Variants in GATAD2A observed in about 807,000 individuals in gnomAD.
GATAD2A encodes the protein GATA zinc finger domain containing 2A.
A neutral mutation model predicts 68.5 loss-of-function variants in GATAD2A; 12 were observed. The observed-to-expected ratio is 0.18, with a 90% CI of 0.11 to 0.28. GATAD2A has a LOEUF of 0.28. GATAD2A is among the 10% of genes least tolerant of loss of function. The pLI is 1.00. For synonymous variants in GATAD2A, 410 were observed against 375.3 expected, an observed-to-expected ratio of 1.09 and a Z score of -1.07; for missense variants, 755 against 868.5, an observed-to-expected ratio of 0.87 and a Z score of 1.64.
At chr19:19,416,389 C>T (rs1355842158) in intron 1 of GATAD2A, among the ~76,000 whole-genome samples, 1 of 152,098 alleles carries the variant, frequency 6.6e-6, no homozygotes, top group Non-Finnish European at 1.5e-5. Context: ...TCCGGAAGGC[C>T]CCAGGATCTT....
chr19:19,452,099 G>A (rs142421352), intron 1 of GATAD2A, among the ~76,000 whole-genome samples: 1 of 152,360 alleles, frequency 6.6e-6, no homozygotes, highest in East Asian at 1.9e-4. Flanking sequence ...ATACGTGTGT[G>A]TTGTTCAGGA....
At chr19:19,448,677 A>G (rs1032359223) in intron 1 of GATAD2A, among the ~76,000 whole-genome samples, 1 of 152,078 alleles carries the variant, frequency 6.6e-6, no homozygotes, top group African/African-American at 2.4e-5. Context: ...TTTTGTAGAG[A>G]TGGGGTTTCA....
intron 1 of GATAD2A, among the ~76,000 whole-genome samples, chr19:19,456,865 T>C (rs1352401110): frequency 6.6e-6 from 1 of 152,204 alleles, no homozygotes; most frequent in Non-Finnish European, 1.5e-5. Flanking sequence ...TGGGTACTTT[T>C]GTGCCTTGGT....
chr19:19,417,121 A>G (rs1568715764), intron 1 of GATAD2A, among the ~76,000 whole-genome samples: 1 of 152,232 alleles, frequency 6.6e-6, no homozygotes, highest in Non-Finnish European at 1.5e-5. Flanking sequence ...GCTTCGGCAG[A>G]TACCCTGTGG....
In GATAD2A at chr19:19,507,363, T is replaced by G. The variant is rs1346063014; in HGVS notation, c.*1889T>G. 2 of 152,190 alleles carry G rather than the reference T, an allele frequency of 1.3e-5. No homozygotes were observed. The highest frequency in any genetic ancestry group is 4.8e-5 in the African/African-American group (2 of 41,430). The allele number at this position is 152,190 out of a possible 1,614,324, so 9.4% of individuals were successfully genotyped here. On this transcript the variant is annotated 3_prime_UTR_variant, in exon 12 of 12. Transcript: ENST00000683918. ...ACGACCCTGAGCTGTTAGCCCTCTC[T>G]GTTCCATGACAGGGGCCAGATCTTC...
At chr19:19,494,555 C>A (rs1432169980) in intron 5 of GATAD2A, among the ~76,000 whole-genome samples, 172 bp downstream of exon 5, 1 of 152,230 alleles carries the variant, frequency 6.6e-6, no homozygotes, top group East Asian at 1.9e-4. Context: ...AAGAAGCACA[C>A]GTGCACTTTC....
intron 1 of GATAD2A, among the ~76,000 whole-genome samples, chr19:19,435,718 T>C (rs1157977305): frequency 6.6e-6 from 1 of 152,088 alleles, no homozygotes; most frequent in African/African-American, 2.4e-5. Context: ...GGCATAGTGG[T>C]GGGTGCCTGT....
chr19:19,408,416 G>A (rs774008914), intron 1 of GATAD2A, among the ~76,000 whole-genome samples: 7 of 151,924 alleles, frequency 4.6e-5, no homozygotes, highest in African/African-American at 9.7e-5. Flanking sequence ...TGCTACTTTC[G>A]GTAGGAAAAA....
rs202108692 is a variant in GATAD2A at position 19,502,357 on chromosome 19, G to A, written c.1605G>A (p.Ser535=). The A allele has an allele frequency of 2.7e-5, 44 of 1,612,540 alleles. No individual in the cohort carries two copies. The highest frequency in any genetic ancestry group is 5.3e-5 in the African/African-American group (4 of 74,886). Residue 535 remains serine (S), a synonymous_variant, in exon 11 of 12, where the codon TCG becomes TCA. Coordinates refer to ENST00000683918, the MANE Select transcript of GATAD2A (RefSeq NM_001384528.1). ...CCTCCAGCCAGCTGTCCCGGGGTTC[G>A]GCCACGACGCCCCGAGGTGTCCTGC... ...LQASSQLSRG[S]ATTPRGVLHT... is the part of the protein sequence containing the mutation.
In GATAD2A at chr19:19,495,648, A is replaced by AAC. The variant is rs374922446; in HGVS notation, c.625-105_625-104insCA. On this transcript the variant is annotated intron_variant, in intron 5 of 11. Transcript: ENST00000683918. ...TCTCTGCTACTTAAAAAAAAAAAAA[A>AAC]AAAAAAACTAGTATGTACTTTCATA... 42 of 1,047,598 alleles carry AAC rather than the reference A, an allele frequency of 4.0e-5. 1 individual carries two copies. The highest frequency in any genetic ancestry group is 3.5e-4 in the African/African-American group (21 of 60,726). The allele number at this position is 1,047,598 out of a possible 1,614,324, so 64.9% of individuals were successfully genotyped here.
intron 1 of GATAD2A, among the ~76,000 whole-genome samples, chr19:19,444,800 G>A (rs2055513385): frequency 6.6e-6 from 1 of 150,666 alleles, no homozygotes; most frequent in African/African-American, 2.5e-5. Context: ...GAGCCCTGGA[G>A]GTTGAGGCTG....
At chr19:19,407,966 C>T (rs2050468056) in intron 1 of GATAD2A, among the ~76,000 whole-genome samples, 1 of 152,178 alleles carries the variant, frequency 6.6e-6, no homozygotes, top group African/African-American at 2.4e-5. Context: ...CTTGGAAGGG[C>T]TATAGAGAAT....
chr19:19,486,289 G>A (rs1157814540), intron 2 of GATAD2A, among the ~76,000 whole-genome samples: 2 of 152,218 alleles, frequency 1.3e-5, no homozygotes, highest in Admixed American at 1.3e-4. Flanking sequence ...GCGAAGGCAC[G>A]GGCGGCCTGT....
chr19:19,480,274 G>A (rs949914773), intron 2 of GATAD2A, among the ~76,000 whole-genome samples: 1 of 152,182 alleles, frequency 6.6e-6, no homozygotes, highest in Non-Finnish European at 1.5e-5. Flanking sequence ...GAAAATAGTA[G>A]TTTACTGGGT....
At chr19:19,435,775 A>G (rs2054272214) in intron 1 of GATAD2A, among the ~76,000 whole-genome samples, 1 of 152,118 alleles carries the variant, frequency 6.6e-6, no homozygotes, top group African/African-American at 2.4e-5. Flanking sequence ...GTGTGAACCC[A>G]GGGGTCAGAG....
At chr19:19,414,836 CCTTTTTTTTTTT>C (rs1055931892) in intron 1 of GATAD2A, among the ~76,000 whole-genome samples, 7 of 127,400 alleles carry the variant, frequency 5.5e-5, no homozygotes, top group Non-Finnish European at 9.3e-5. Context: ...CACCCTGCCC[CCTTTTTTTTTTT>C]TTTTTTTTTT....
At chr19:19,503,365 C>T (rs1309326342) in intron 11 of GATAD2A, among the ~76,000 whole-genome samples, 2 of 152,146 alleles carry the variant, frequency 1.3e-5, no homozygotes, top group African/African-American at 4.8e-5. Flanking sequence ...GCTGAGCCTG[C>T]CGCTGTCCTA....
chr19:19,503,299 A>G (rs2060663401), intron 11 of GATAD2A, among the ~76,000 whole-genome samples: 1 of 152,184 alleles, frequency 6.6e-6, no homozygotes, highest in Non-Finnish European at 1.5e-5. Flanking sequence ...TGCAGGTAGG[A>G]GAGGACAATC....
chr19:19,390,284 TTAC>T (rs1261259523), intron 1 of GATAD2A, among the ~76,000 whole-genome samples: 27 of 152,070 alleles, frequency 1.8e-4, no homozygotes, highest in East Asian at 9.7e-4. Context: ...TGGGAGGTGC[TTAC>T]TAGATGGATG....
Sources: gnomAD v4.1 joint callset for allele counts (sites outside exome capture counted in the v4.1 genomes callset) on GRCh38, gnomAD v4.1.1 for gene constraint, MANE v1.5 for transcripts, NCBI Gene and HGNC (gene_info 2026-07-23, HGNC 2026-07-21) for gene names.